Variants in FLYWCH1 observed in about 807,000 individuals in gnomAD.
FLYWCH1 encodes the protein FLYWCH-type zinc finger-containing protein 1.
In FLYWCH1, 75 loss-of-function variants were observed where a neutral mutation model predicts 66.4. The ratio of observed to expected loss-of-function variants is 1.13; its 90% CI spans 0.94 to 1.37. The LOEUF (loss-of-function observed/expected upper bound fraction) is 1.37. FLYWCH1 is among the 40% of genes most tolerant of loss of function. The probability of loss-of-function intolerance (pLI) is 0.00; values close to 1 mark genes in which losing one functional copy is unlikely to be tolerated. For synonymous variants in FLYWCH1, 595 were observed against 429.9 expected (o/e 1.38, Z -4.75); for missense variants, 1,334 against 1,001.8 (o/e 1.33, Z -4.48).
chr16:2,943,745 G>A (rs1463723900), intron 9 of FLYWCH1, among the ~76,000 whole-genome samples: 1 of 152,040 alleles, frequency 6.6e-6, no homozygotes, highest in African/African-American at 2.4e-5. Flanking sequence ...AGACCAGCCT[G>A]GCCAACATAG....
chr16:2,916,940 C>T lies in FLYWCH1; in HGVS notation c.-74+2651C>T, dbSNP rs1048555977. ...GGGGTGGATCATGAGGTCAGGAGTT[C>T]GAGATTAGCCTGGACAACATGGTGA... On this transcript the variant is annotated intron_variant, in intron 2 of 9. Coordinates refer to ENST00000253928, the MANE Select transcript of FLYWCH1 (RefSeq NM_001308068.2). Among the ~76,000 whole-genome samples, 7 of 145,962 alleles carry T rather than the reference C, an allele frequency of 4.8e-5. No individual in the cohort carries two copies. The South Asian group carries it at 1.3e-3, about 27-fold the overall frequency.
rs761336488 is a variant in FLYWCH1, at chr16:2,933,189, G to T, written c.856G>T (p.Glu286Ter). Residue 286 changes from glutamate to a stop codon, truncating the protein, a stop_gained, in exon 5 of 10, where the codon GAG becomes TAG. Transcript: ENST00000253928. LOFTEE classifies it high-confidence loss of function. ...CTACGGGGGCAGCTTCCTGGTACAC[G>T]AGTCGTTCCTCTACAAGCGGGAGAA... ...TCYGGSFLVHESFLYKREKAV... is the reference protein window; with the variant it reads ...TCYGGSFLVH 6.2e-7 allele frequency: 1 copy of T among 1,613,706 alleles called. No individual in the cohort carries two copies. The highest frequency in any genetic ancestry group is 2.2e-5 in the East Asian group (1 of 44,846).
At chr16:2,948,247 G>A (rs977692673) in intron 9 of FLYWCH1, among the ~76,000 whole-genome samples, 4 of 151,988 alleles carry the variant, frequency 2.6e-5, no homozygotes, top group African/African-American at 4.8e-5. Flanking sequence ...GAATTGATAC[G>A]GATGGATGGA....
chr16:2,930,483 C>T lies in FLYWCH1; in HGVS notation c.399C>T (p.Tyr133=). ...GRLLVLESFL[Y]KQEKAVGDKV... is the part of the protein sequence containing the mutation. ...TCCTGGTGCTGGAGTCCTTCCTGTA[C>T]AAGCAGGAGAAGGCAGTGGGGGACA... The change falls in exon 4 of 10, where the codon TAC becomes TAT. Residue 133 remains tyrosine (Y), a synonymous_variant. Transcript: ENST00000253928. 6.6e-7 allele frequency: 1 copy of T among 1,525,344 alleles called. No homozygotes were observed. The highest frequency in any genetic ancestry group is 8.8e-7 in the Non-Finnish European group (1 of 1,140,242). 94.5% of individuals were successfully genotyped at this position (1,525,344 alleles called of 1,614,324 possible). A position where few individuals can be genotyped will look rare whatever the true frequency, so the allele number is the denominator to read the frequency against.
chr16:2,927,292 T>C (rs1399577093), intron 2 of FLYWCH1, among the ~76,000 whole-genome samples: 1 of 152,166 alleles, frequency 6.6e-6, no homozygotes, highest in Non-Finnish European at 1.5e-5. Context: ...CAGGGAGATC[T>C]TGAGGCGTGG....
At chr16:2,947,129 G>A (rs1025234807) in intron 9 of FLYWCH1, among the ~76,000 whole-genome samples, 5 of 152,180 alleles carry the variant, frequency 3.3e-5, no homozygotes, top group African/African-American at 9.7e-5. Context: ...CTATTTATAC[G>A]ATGAAATATT....
chr16:2,936,469 C>G (rs1428245854), intron 6 of FLYWCH1: 1 of 445,902 alleles, frequency 2.2e-6, no homozygotes, highest in Admixed American at 2.4e-5. Flanking sequence ...GCTGGCCTCT[C>G]CTCTAGGGCT....
chr16:2,937,475 TGTTGTGC>T, intron 7 of FLYWCH1, 91 bp downstream of exon 7: 2 of 1,387,896 alleles, frequency 1.4e-6, no homozygotes, highest in Non-Finnish European at 1.9e-6. Context: ...GGGTGTTGTG[TGTTGTGC>T]ATGGTGGTCT....
At position 2,915,813 on chromosome 16, in the gene FLYWCH1, AAAG is replaced by A. The variant is rs1339244901; in HGVS notation, c.-74+1526_-74+1528del. On this transcript the variant is annotated intron_variant, in intron 2 of 9. Coordinates refer to ENST00000253928, the MANE Select transcript of FLYWCH1 (RefSeq NM_001308068.2). Reference sequence around the variant, plus strand: ...CTCTGTGTCGAGAGAAAAAAAAAAAAAAGAGAGAATCCAAAGAAGAATCTACAA... The same window carrying A: ...CTCTGTGTCGAGAGAAAAAAAAAAAAAGAGAATCCAAAGAAGAATCTACAA... 4.7e-5 allele frequency among the ~76,000 whole-genome samples: 7 copies of A among 149,808 alleles called. 1 individual carries two copies. Among genetic ancestry groups the A allele is most frequent in the South Asian group, 2.1e-4 (1 of 4,784 alleles).
intron 4 of FLYWCH1, among the ~76,000 whole-genome samples, chr16:2,931,968 A>AT (rs1316804609): frequency 2.6e-5 from 4 of 152,148 alleles, no homozygotes; most frequent in Admixed American, 2.0e-4. Context: ...ACAAAAAAAG[A>AT]TTAGCCAGGC....
At chr16:2,925,583 G>GGGC (rs1555483237) in intron 2 of FLYWCH1, among the ~76,000 whole-genome samples, 2 of 142,234 alleles carry the variant, frequency 1.4e-5, no homozygotes, top group South Asian at 2.4e-4. Flanking sequence ...GCGGGGGGAG[G>GGGC]GGGGTACGGG....
At chr16:2,948,601 A>T in intron 9 of FLYWCH1, 87 bp from the exon 10 acceptor site, 1 of 1,378,032 alleles carries the variant, frequency 7.3e-7, no homozygotes. Flanking sequence ...CCCAGGAAAA[A>T]GGATTCCAGG....
chr16:2,943,369 C>G (rs993575366), intron 9 of FLYWCH1: 3 of 151,912 alleles, frequency 2.0e-5, no homozygotes, highest in Admixed American at 6.6e-5. Context: ...CTTCCTGTTA[C>G]TAATTCTGCG....
At chr16:2,944,077 C>T (rs537475986) in intron 9 of FLYWCH1, among the ~76,000 whole-genome samples, 1 of 152,064 alleles carries the variant, frequency 6.6e-6, no homozygotes, top group South Asian at 2.1e-4. Context: ...GCCCAGCGGA[C>T]GGAGAGAGAA....
chr16:2,929,111 G>A (rs2070670534), intron 2 of FLYWCH1, among the ~76,000 whole-genome samples: 2 of 152,226 alleles, frequency 1.3e-5, no homozygotes, highest in African/African-American at 2.4e-5. Flanking sequence ...GCGTCCTGGT[G>A]AAGCACATGG....
At chr16:2,937,950 G>C (rs1423192140) in intron 7 of FLYWCH1, among the ~76,000 whole-genome samples, 1 of 152,130 alleles carries the variant, frequency 6.6e-6, no homozygotes, top group Non-Finnish European at 1.5e-5. Flanking sequence ...GAGCATTCAG[G>C]GTCCAGTGCT....
intron 3 of FLYWCH1, 77 bp downstream of exon 3, chr16:2,930,087 T>C: frequency 7.9e-7 from 1 of 1,261,664 alleles, no homozygotes; most frequent in South Asian, 1.4e-5. Flanking sequence ...ACACCCTGCT[T>C]CAAGCATAGT....
At chr16:2,928,004 A>C (rs975081326) in intron 2 of FLYWCH1, among the ~76,000 whole-genome samples, 3 of 152,188 alleles carry the variant, frequency 2.0e-5, no homozygotes, top group African/African-American at 7.2e-5. Context: ...CATGTGAGCA[A>C]AGGAATCTGT....
chr16:2,939,505 G>GAGAAGA (rs1567348497), intron 8 of FLYWCH1, among the ~76,000 whole-genome samples: 8 of 75,710 alleles, frequency 1.1e-4, no homozygotes, highest in African/African-American at 3.5e-4. Context: ...GTGAAACCTT[G>GAGAAGA]AAAGAAAACA....
Sources: allele counts gnomAD v4.1 joint callset (sites outside exome capture counted in the v4.1 genomes callset), GRCh38; gene constraint gnomAD v4.1.1; transcripts MANE v1.5; gene names NCBI Gene and HGNC (gene_info 2026-07-23, HGNC 2026-07-21).